Variants in HIVEP3 observed in about 807,000 individuals in gnomAD.
HIVEP3 encodes the protein HIVEP zinc finger 3, also known as transcription factor HIVEP3.
HIVEP3 carries 49 observed loss-of-function variants against 152.8 expected under a neutral mutation model. The observed-to-expected ratio is 0.32, with a 90% CI of 0.26 to 0.41. HIVEP3 has a LOEUF of 0.41. Ranked by LOEUF, HIVEP3 falls within the 10% of genes least tolerant of loss-of-function variation. The probability of loss-of-function intolerance (pLI) is 1.00; values close to 1 mark genes in which losing one functional copy is unlikely to be tolerated. For missense variants in HIVEP3, 2,790 were observed against 3,103.3 expected (o/e 0.90, Z 2.40); for synonymous variants, 1,269 against 1,289.0 (o/e 0.98, Z 0.33).
At chr1:41,990,445 A>G (rs1156296649) in intron 1 of HIVEP3, among the ~76,000 whole-genome samples, 3 of 149,776 alleles carry the variant, frequency 2.0e-5, no homozygotes, top group Non-Finnish European at 4.5e-5. Flanking sequence ...CAACAAGAAG[A>G]GCTAACTATC....
intron 1 of HIVEP3, among the ~76,000 whole-genome samples, chr1:41,914,418 C>T (rs1644840431): frequency 6.6e-6 from 1 of 152,124 alleles, no homozygotes; most frequent in Non-Finnish European, 1.5e-5. Context: ...AGTAAGTTAC[C>T]AAAACAATGA....
intron 1 of HIVEP3, among the ~76,000 whole-genome samples, chr1:41,859,453 G>A (rs535614304): frequency 1.3e-5 from 2 of 152,144 alleles, no homozygotes; most frequent in Admixed American, 6.5e-5. Context: ...TCTACATACC[G>A]CTTAGTACCT....
At chr1:41,694,950 C>G (rs907047423) in intron 2 of HIVEP3, among the ~76,000 whole-genome samples, 1 of 152,154 alleles carries the variant, frequency 6.6e-6, no homozygotes, top group African/African-American at 2.4e-5. Flanking sequence ...AACCTCCAGA[C>G]CACCAGAGTC....
intron 1 of HIVEP3, among the ~76,000 whole-genome samples, chr1:41,822,787 T>C (rs1347695013): frequency 6.6e-6 from 1 of 152,198 alleles, no homozygotes; most frequent in Non-Finnish European, 1.5e-5. Context: ...TTCCTACCAT[T>C]TGATCTGCAT....
chr1:41,884,460 T>C (rs1644312234), intron 1 of HIVEP3, among the ~76,000 whole-genome samples: 1 of 152,146 alleles, frequency 6.6e-6, no homozygotes, highest in Non-Finnish European at 1.5e-5. Flanking sequence ...ATCCCGGGAT[T>C]GCAGGCAAGT....
intron 1 of HIVEP3, among the ~76,000 whole-genome samples, chr1:41,960,567 T>C (rs1645164380): frequency 6.6e-6 from 1 of 152,244 alleles, no homozygotes; most frequent in South Asian, 2.1e-4. Flanking sequence ...AGGATTACAC[T>C]GAAGCCAGAC....
At chr1:41,963,807 A>G (rs1237557312) in intron 1 of HIVEP3, among the ~76,000 whole-genome samples, 1 of 152,236 alleles carries the variant, frequency 6.6e-6, no homozygotes. Flanking sequence ...AGCTTATATT[A>G]AGGCAGTGAT....
At chr1:41,789,776 C>A (rs1289304301) in intron 1 of HIVEP3, among the ~76,000 whole-genome samples, 1 of 152,158 alleles carries the variant, frequency 6.6e-6, no homozygotes, top group Non-Finnish European at 1.5e-5. Context: ...TGAGCTGAGA[C>A]CTTGGTCAAC....
intron 1 of HIVEP3, among the ~76,000 whole-genome samples, chr1:41,896,878 C>G (rs1267799493): frequency 2.0e-5 from 3 of 152,124 alleles, no homozygotes; most frequent in African/African-American, 7.2e-5. Context: ...CTGGCCAAGG[C>G]ATGCTTTTTA....
At position 41,511,638 on chromosome 1, in the gene HIVEP3, C is replaced by A. The variant is rs1644457212; in HGVS notation, c.6406-372G>T. 1.3e-5 allele frequency among the ~76,000 whole-genome samples: 2 copies of A among 152,160 alleles called. 1 individual carries two copies. The highest frequency in any genetic ancestry group is 1.3e-4 in the Admixed American group (2 of 15,276). Reference sequence around the variant, plus strand: ...GTCCTGTTCCTAAAATGGTCTTCACCCAGCTTCACTCTTGGACATGAGTTC... The same window carrying A: ...GTCCTGTTCCTAAAATGGTCTTCACACAGCTTCACTCTTGGACATGAGTTC... On this transcript the variant is annotated intron_variant, in intron 8 of 8. Coordinates refer to ENST00000372583, the MANE Select transcript of HIVEP3 (RefSeq NM_024503.5). The surrounding 1 kb of genome is among the most constrained non-coding windows in gnomAD (Gnocchi z 4.9).
At chr1:41,548,290 C>A (rs957209819) in intron 5 of HIVEP3, among the ~76,000 whole-genome samples, 1 of 152,164 alleles carries the variant, frequency 6.6e-6, no homozygotes, top group Non-Finnish European at 1.5e-5. Context: ...CTCTCCCCAC[C>A]CTGCAGATGA....
intron 1 of HIVEP3, among the ~76,000 whole-genome samples, chr1:41,715,193 GGA>G (rs1646572930): frequency 1.3e-5 from 2 of 152,192 alleles, no homozygotes; most frequent in Admixed American, 6.5e-5. Flanking sequence ...CTCCGACCTG[GGA>G]GCTTTCAGCC....
At chr1:41,914,774 A>C (rs923309529) in intron 1 of HIVEP3, among the ~76,000 whole-genome samples, 2 of 152,184 alleles carry the variant, frequency 1.3e-5, no homozygotes, top group African/African-American at 4.8e-5. Context: ...ACACAGATGT[A>C]AGAAACAGAT....
intron 1 of HIVEP3, among the ~76,000 whole-genome samples, chr1:41,988,787 T>A (rs1050173068): frequency 6.6e-6 from 1 of 152,184 alleles, no homozygotes; most frequent in African/African-American, 2.4e-5. Context: ...GCAGCATTAT[T>A]TATAATAGCC....
intron 2 of HIVEP3, among the ~76,000 whole-genome samples, chr1:41,696,508 G>A (rs375233899): frequency 5.3e-5 from 8 of 152,240 alleles, no homozygotes; most frequent in African/African-American, 1.2e-4. Flanking sequence ...CAAGGCCAGC[G>A]GGCCTGAGAG....
chr1:41,528,234 CCT>C (rs1416798327), intron 5 of HIVEP3, among the ~76,000 whole-genome samples: 1 of 132,038 alleles, frequency 7.6e-6, no homozygotes, highest in Non-Finnish European at 1.6e-5. Flanking sequence ...ACCCTCACAC[CCT>C]CACACACTCA....
chr1:41,856,636 C>G (rs1346719220), intron 1 of HIVEP3, among the ~76,000 whole-genome samples: 2 of 152,146 alleles, frequency 1.3e-5, no homozygotes, highest in African/African-American at 4.8e-5. Flanking sequence ...ACACCTTATG[C>G]CTCATGTTAC....
chr1:41,991,556 T>C (rs1180064387), intron 1 of HIVEP3, among the ~76,000 whole-genome samples: 16 of 148,100 alleles, frequency 1.1e-4, no homozygotes, highest in South Asian at 6.5e-4. Context: ...CACAGCCGAA[T>C]TCTACCAGAG....
At chr1:41,988,724 A>T (rs896033416) in intron 1 of HIVEP3, among the ~76,000 whole-genome samples, 13 of 152,220 alleles carry the variant, frequency 8.5e-5, no homozygotes, top group African/African-American at 3.1e-4. Context: ...GTATATATTC[A>T]AGGGAAATAA....
Sources: allele counts gnomAD v4.1 joint callset (sites outside exome capture counted in the v4.1 genomes callset), GRCh38; gene constraint gnomAD v4.1.1; non-coding constraint Gnocchi (gnomAD v3.1); transcripts MANE v1.5; gene names NCBI Gene and HGNC (gene_info 2026-07-23, HGNC 2026-07-21).